Variants in SEMA6D observed in about 807,000 individuals in gnomAD.
SEMA6D encodes semaphorin 6D.
In SEMA6D, 35 loss-of-function variants were observed where a neutral mutation model predicts 106.6. The ratio of observed to expected loss-of-function variants is 0.33; its 90% CI spans 0.25 to 0.44. The LOEUF is 0.44. SEMA6D is among the 20% of genes least tolerant of loss of function. The pLI is 1.00. For synonymous variants in SEMA6D, 499 were observed against 487.7 expected (o/e 1.02, Z -0.31); for missense variants, 1,185 against 1,345.9 (o/e 0.88, Z 1.87).
At chr15:47,638,294 G>A (rs2077427168) in intron 4 of SEMA6D, among the ~76,000 whole-genome samples, 2 of 152,040 alleles carry the variant, frequency 1.3e-5, no homozygotes, top group South Asian at 4.2e-4. Flanking sequence ...GAAGATGGGA[G>A]GGGTGAGTAA....
chr15:47,765,002 T>G lies in SEMA6D; in HGVS notation c.1373T>G (p.Phe458Cys). 6.2e-7 allele frequency: 1 copy of G among 1,613,884 alleles called. No individual in the cohort carries two copies. Among genetic ancestry groups the G allele is most frequent in the Non-Finnish European group, 8.5e-7 (1 of 1,179,830 alleles). The stretch of plus-strand genomic sequence containing the variant: ...AAAGTTCTGGCAAAGACCAGTCCTT[T>G]CTCTTTGAACGACAGCGTATTACTG... ...VLKVLAKTSP[F>C]SLNDSVLLEE... Residue 458 changes from phenylalanine (F) to cysteine (C), a missense_variant, in exon 13 of 19, where the codon TTC becomes TGC. Phe to Cys is a radical substitution (Grantham distance 205). Coordinates refer to ENST00000536845, the MANE Select transcript of SEMA6D (RefSeq NM_001358351.3).
intron 3 of SEMA6D, among the ~76,000 whole-genome samples, chr15:47,554,233 A>G (rs1269366838): frequency 1.3e-5 from 2 of 152,210 alleles, no homozygotes; most frequent in African/African-American, 2.4e-5. Context: ...AGAGTCCTCT[A>G]TTCGTAGCCT....
chr15:47,242,305 A>G (rs929600106), intron 1 of SEMA6D, among the ~76,000 whole-genome samples: 1 of 152,096 alleles, frequency 6.6e-6, no homozygotes, highest in Non-Finnish European at 1.5e-5. Flanking sequence ...GCACTTGGCT[A>G]TTTTGAGGTA....
chr15:47,316,621 T>A (rs1373451206), intron 1 of SEMA6D, among the ~76,000 whole-genome samples: 2 of 150,508 alleles, frequency 1.3e-5, no homozygotes, highest in Non-Finnish European at 2.9e-5. Context: ...TTTTTTTTTT[T>A]ATCATAAATG....
intron 3 of SEMA6D, among the ~76,000 whole-genome samples, chr15:47,491,944 G>T (rs7167995): frequency 3.3e-5 from 5 of 152,050 alleles, no homozygotes; most frequent in Admixed American, 3.3e-4. Context: ...CCTTTCTATT[G>T]TAGCTAGTTA....
chr15:47,455,075 C>CTATTAT (rs749181556), intron 2 of SEMA6D, among the ~76,000 whole-genome samples: 6 of 151,300 alleles, frequency 4.0e-5, no homozygotes, highest in South Asian at 2.1e-4. Flanking sequence ...TAAATGTTAG[C>CTATTAT]TATTATTATT....
At chr15:47,633,720 C>A (rs1040502451) in intron 4 of SEMA6D, among the ~76,000 whole-genome samples, 1 of 152,142 alleles carries the variant, frequency 6.6e-6, no homozygotes, top group Non-Finnish European at 1.5e-5. Context: ...GTTTTCAGTA[C>A]AATGCTCTAT....
chr15:47,198,871 G>A (rs7162142), intron 1 of SEMA6D, among the ~76,000 whole-genome samples: 1,658 of 152,232 alleles, frequency 0.011, 38 homozygotes, highest in African/African-American at 0.038. Context: ...ATATGTTTTT[G>A]TGCTTCTCTG....
At chr15:47,512,955 C>G (rs1397931414) in intron 3 of SEMA6D, among the ~76,000 whole-genome samples, 2 of 152,150 alleles carry the variant, frequency 1.3e-5, no homozygotes, top group African/African-American at 4.8e-5. Flanking sequence ...AGAGCACAAA[C>G]CAAGGCAGGC....
intron 3 of SEMA6D, among the ~76,000 whole-genome samples, chr15:47,552,892 A>AAATATATATATATT (rs2045793300): frequency 9.6e-5 from 1 of 10,418 alleles, no homozygotes; most frequent in Non-Finnish European, 1.7e-4. Flanking sequence ...ATATATATAA[A>AAATATATATATATT]TATATATATA....
chr15:47,706,735 C>G (rs1253280577), intron 4 of SEMA6D, among the ~76,000 whole-genome samples: 1 of 152,114 alleles, frequency 6.6e-6, no homozygotes, highest in East Asian at 1.9e-4. Flanking sequence ...CTCTCTCTCT[C>G]TCTCCTCTAG....
intron 4 of SEMA6D, among the ~76,000 whole-genome samples, chr15:47,696,088 C>T (rs1459584603): frequency 6.6e-6 from 1 of 152,134 alleles, no homozygotes; most frequent in African/African-American, 2.4e-5. Context: ...GTCTTCTCTT[C>T]ACTCACCCTT....
intron 1 of SEMA6D, among the ~76,000 whole-genome samples, chr15:47,187,149 A>G (rs1893633909): frequency 6.6e-6 from 1 of 152,218 alleles, no homozygotes; most frequent in South Asian, 2.1e-4. Context: ...GGCATAGAAA[A>G]TGAAGCACTT....
chr15:47,270,369 A>C (rs2034502998), intron 1 of SEMA6D, among the ~76,000 whole-genome samples: 1 of 151,806 alleles, frequency 6.6e-6, no homozygotes, highest in Non-Finnish European at 1.5e-5. Context: ...ATTGCTTTAT[A>C]AATTCTTCAG....
At chr15:47,392,110 ACTC>A (rs1395505104) in intron 1 of SEMA6D, among the ~76,000 whole-genome samples, 1 of 151,942 alleles carries the variant, frequency 6.6e-6, no homozygotes, top group Non-Finnish European at 1.5e-5. Context: ...TCCACCAACC[ACTC>A]GTTCACAACT....
intron 3 of SEMA6D, among the ~76,000 whole-genome samples, chr15:47,559,026 G>C (rs540704983): frequency 6.6e-6 from 1 of 151,996 alleles, no homozygotes; most frequent in South Asian, 2.1e-4. Context: ...TCATGGAAGC[G>C]TGAGTAAGCT....
chr15:47,708,782 G>A (rs1163324845), intron 4 of SEMA6D, among the ~76,000 whole-genome samples: 1 of 152,186 alleles, frequency 6.6e-6, no homozygotes, highest in African/African-American at 2.4e-5. Context: ...GCAGAGAATA[G>A]GGAGACAGTG....
At chr15:47,449,026 T>A (rs2042109174) in intron 2 of SEMA6D, among the ~76,000 whole-genome samples, 1 of 152,056 alleles carries the variant, frequency 6.6e-6, no homozygotes, top group South Asian at 2.1e-4. Context: ...TCACCATGGC[T>A]TACAGACTTT....
chr15:47,610,782 A>G (rs913246393), intron 4 of SEMA6D, among the ~76,000 whole-genome samples: 2 of 152,240 alleles, frequency 1.3e-5, no homozygotes, highest in Admixed American at 6.5e-5. Context: ...AGCTGAAAAT[A>G]TAGTTAATAA....
Sources: gnomAD v4.1 joint callset for allele counts (sites outside exome capture counted in the v4.1 genomes callset) on GRCh38, gnomAD v4.1.1 for gene constraint, MANE v1.5 for transcripts, NCBI Gene and HGNC (gene_info 2026-07-23, HGNC 2026-07-21) for gene names.